The following CNEP1R1 variants were observed in gnomAD, a reference collection of about 807,000 sequenced individuals.
CNEP1R1 encodes the protein nuclear envelope phosphatase-regulatory subunit 1.
A neutral mutation model predicts 22.7 loss-of-function variants in CNEP1R1; 10 were observed. That is an observed-to-expected ratio of 0.44 (90% CI 0.27 to 0.75). The LOEUF (loss-of-function observed/expected upper bound fraction) is 0.75, where lower values mean the gene tolerates loss of function less well. Ranked by LOEUF, CNEP1R1 falls within the 30% of genes least tolerant of loss-of-function variation. CNEP1R1 has a pLI of 0.17. For missense variants in CNEP1R1, 73 were observed against 151.5 expected (o/e 0.48, Z 2.72); for synonymous variants, 53 against 50.1 (o/e 1.06, Z -0.25).
chr16:50,032,471 G>A (rs928299317), intron 3 of CNEP1R1, among the ~76,000 whole-genome samples: 1 of 152,078 alleles, frequency 6.6e-6, no homozygotes, highest in Non-Finnish European at 1.5e-5. Flanking sequence ...TTCCCTACTT[G>A]AATGTCCTGT....
Position 50,025,225 on chromosome 16 carries a change from A to G in CNEP1R1, c.-91A>G. ...CGGGGAGGGGCAGCGGGGAGCGGTTAGAGGTGGGAGTTGGCGCTGCGGGCC... is the reference window on the plus strand; with the variant it reads ...CGGGGAGGGGCAGCGGGGAGCGGTTGGAGGTGGGAGTTGGCGCTGCGGGCC... On this transcript the variant is annotated 5_prime_UTR_variant, in exon 1 of 6. Coordinates refer to ENST00000427478, the MANE Select transcript of CNEP1R1 (RefSeq NM_001281789.2). 1 of 1,240,512 alleles carries G rather than the reference A, an allele frequency of 8.1e-7. No individual in the cohort carries two copies. Among genetic ancestry groups the G allele is most frequent in the Non-Finnish European group, 1.1e-6 (1 of 947,142 alleles). The allele number at this position is 1,240,512 out of a possible 1,614,324, so 76.8% of individuals were successfully genotyped here.
chr16:50,033,767 G>A (rs2036251375), intron 4 of CNEP1R1, among the ~76,000 whole-genome samples: 1 of 151,434 alleles, frequency 6.6e-6, no homozygotes, highest in African/African-American at 2.4e-5. Context: ...GGGAGGCTGA[G>A]GTGGGAGAAT....
intron 2 of CNEP1R1, among the ~76,000 whole-genome samples, chr16:50,027,252 G>A (rs764362377): frequency 1.5e-4 from 23 of 152,144 alleles, no homozygotes; most frequent in Non-Finnish European, 2.8e-4. Context: ...GCTCACGTCT[G>A]TAATCCCAAC....
intron 3 of CNEP1R1, among the ~76,000 whole-genome samples, chr16:50,033,155 G>T (rs1384854295): frequency 6.6e-6 from 1 of 152,126 alleles, no homozygotes; most frequent in Non-Finnish European, 1.5e-5. Context: ...ATTTGTAATA[G>T]TTCAAGTATT....
At position 50,027,679 on chromosome 16, in the gene CNEP1R1, T is replaced by TA. The variant is rs80075296; in HGVS notation, c.97+1226dup. 4.3e-3 allele frequency among the ~76,000 whole-genome samples: 609 copies of TA among 142,328 alleles called. 4 individuals carry two copies. Among genetic ancestry groups the TA allele is most frequent in the African/African-American group, 0.011 (443 of 38,842 alleles). The allele number at this position is 142,328 out of a possible 152,430, so 93.4% of individuals were successfully genotyped here. A position where few individuals can be genotyped will look rare whatever the true frequency, so the allele number is the denominator to read the frequency against. ...AGGGAACAGAGGGAGACCCTGTGTT[T>TA]AAAAAAAAAAAAAAGTAAAGTCATG... On this transcript the variant is annotated intron_variant, in intron 2 of 5. Transcript: ENST00000427478.
chr16:50,031,082 G>A (rs1286870424), intron 3 of CNEP1R1, among the ~76,000 whole-genome samples: 1 of 152,052 alleles, frequency 6.6e-6, no homozygotes, highest in Non-Finnish European at 1.5e-5. Context: ...CTTTCCCCCA[G>A]TGCAGTTTTA....
intron 2 of CNEP1R1, among the ~76,000 whole-genome samples, chr16:50,029,389 C>G (rs970530072): frequency 6.6e-6 from 1 of 152,146 alleles, no homozygotes; most frequent in African/African-American, 2.4e-5. Context: ...TTTGAGTTTA[C>G]AAGATCTGCA....
chr16:50,028,995 A>G (rs1167105760), intron 2 of CNEP1R1, among the ~76,000 whole-genome samples: 1 of 152,194 alleles, frequency 6.6e-6, no homozygotes, highest in Non-Finnish European at 1.5e-5. Flanking sequence ...CCACATTTGA[A>G]AAATGTATGC....
intron 3 of CNEP1R1, 141 bp downstream of exon 3, chr16:50,029,939 A>T (rs1597117647): frequency 1.9e-6 from 1 of 522,866 alleles, no homozygotes. Context: ...GCCTTTTATT[A>T]ATTTGCTCAA....
intron 5 of CNEP1R1, among the ~76,000 whole-genome samples, chr16:50,034,921 T>G (rs1321251957): frequency 1.3e-5 from 2 of 152,188 alleles, no homozygotes; most frequent in Non-Finnish European, 2.9e-5. Flanking sequence ...AAAACTATCA[T>G]GTACCAGTGT....
Position 50,035,717 on chromosome 16 carries a change from A to G in CNEP1R1, c.*259A>G, listed in dbSNP as rs1437098963. The stretch of plus-strand genomic sequence containing the variant: ...CTGCAAATATTTTTGCAGATGAAGT[A>G]TGTATGTATGTTACTAAGTTAAACT... On this transcript the variant is annotated 3_prime_UTR_variant, in exon 6 of 6. Coordinates refer to ENST00000427478, the MANE Select transcript of CNEP1R1 (RefSeq NM_001281789.2). 1.3e-5 allele frequency: 5 copies of G among 391,322 alleles called. No individual in the cohort carries two copies. The highest frequency in any genetic ancestry group is 1.8e-5 in the Non-Finnish European group (4 of 218,504). 24.2% of individuals were successfully genotyped at this position (391,322 alleles called of 1,614,324 possible). A position where few individuals can be genotyped will look rare whatever the true frequency, so the allele number is the denominator to read the frequency against.
rs1482964883 is a variant in CNEP1R1, at chr16:50,035,425, A to G, written c.345A>G (p.Lys115=). ...TCTTTTCATTTTTGCAGACAGGAAA[A>G]CTAATTTTGAAACCTAGGCCTCATG... ...EYNMSCDDTG[K]LILKPRPHVQ Residue 115 remains lysine, a synonymous_variant, in exon 6 of 6, where the codon AAA becomes AAG. Coordinates refer to ENST00000427478, the MANE Select transcript of CNEP1R1 (RefSeq NM_001281789.2). The G allele has an allele frequency of 7.0e-6, 11 of 1,573,670 alleles. No individual in the cohort carries two copies. Among genetic ancestry groups the G allele is most frequent in the Middle Eastern group, 1.7e-4 (1 of 6,024 alleles).
At position 50,035,467 on chromosome 16, in the gene CNEP1R1, A is replaced by G. The variant is rs950265235; in HGVS notation, c.*9A>G. ...GGCCTCATGTTCAATGACAATCTTCACTCATTGTTATGGGACTTAAAATAG... is the reference window on the plus strand; with the variant it reads ...GGCCTCATGTTCAATGACAATCTTCGCTCATTGTTATGGGACTTAAAATAG... On this transcript the variant is annotated 3_prime_UTR_variant, in exon 6 of 6. Transcript: ENST00000427478. 24 of 1,572,156 alleles carry G rather than the reference A, an allele frequency of 1.5e-5. No individual in the cohort carries two copies. The African/African-American group carries it at 2.8e-4, about 19-fold the overall frequency.
At chr16:50,032,397 G>A (rs1387647121) in intron 3 of CNEP1R1, among the ~76,000 whole-genome samples, 1 of 152,196 alleles carries the variant, frequency 6.6e-6, no homozygotes, top group African/African-American at 2.4e-5. Context: ...GATATGTCCA[G>A]ATCTGAAATC....
Position 50,036,692 on chromosome 16 carries a change from A to T in CNEP1R1, c.*1234A>T, listed in dbSNP as rs1311826771. ...AGAGAGTGTTAATGACATACTGTGT[A>T]TGCATAATAGCCGCATGTACTATAA... On this transcript the variant is annotated 3_prime_UTR_variant, in exon 6 of 6. Transcript: ENST00000427478. 1 of 152,654 alleles carries T rather than the reference A, an allele frequency of 6.6e-6. No individual in the cohort carries two copies. Among genetic ancestry groups the T allele is most frequent in the African/African-American group, 2.4e-5 (1 of 41,470 alleles). The allele number at this position is 152,654 out of a possible 1,614,324, so 9.5% of individuals were successfully genotyped here. A position where few individuals can be genotyped will look rare whatever the true frequency, so the allele number is the denominator to read the frequency against.
Position 50,025,235 on chromosome 16 carries a change from G to A in CNEP1R1, c.-81G>A. The A allele has an allele frequency of 1.5e-6, 2 of 1,337,266 alleles. No individual in the cohort carries two copies. Among genetic ancestry groups the A allele is most frequent in the Non-Finnish European group, 1.9e-6 (2 of 1,032,698 alleles). The allele number at this position is 1,337,266 out of a possible 1,614,324, so 82.8% of individuals were successfully genotyped here. A position where few individuals can be genotyped will look rare whatever the true frequency, so the allele number is the denominator to read the frequency against. On this transcript the variant is annotated 5_prime_UTR_variant, in exon 1 of 6. Coordinates refer to ENST00000427478, the MANE Select transcript of CNEP1R1 (RefSeq NM_001281789.2). ...CAGCGGGGAGCGGTTAGAGGTGGGAGTTGGCGCTGCGGGCCGGGCGGGGGC... is the reference window on the plus strand; with the variant it reads ...CAGCGGGGAGCGGTTAGAGGTGGGAATTGGCGCTGCGGGCCGGGCGGGGGC...
chr16:50,027,862 T>A (rs1044399378), intron 2 of CNEP1R1, among the ~76,000 whole-genome samples: 4 of 152,216 alleles, frequency 2.6e-5, no homozygotes, highest in African/African-American at 9.6e-5. Flanking sequence ...GAACAGTGCT[T>A]ACTTGCCCAT....
intron 3 of CNEP1R1, among the ~76,000 whole-genome samples, chr16:50,032,111 G>A (rs1274038806): frequency 6.6e-6 from 1 of 152,178 alleles, no homozygotes; most frequent in Non-Finnish European, 1.5e-5. Context: ...GTACCATGCT[G>A]AGCCATCTAC....
intron 3 of CNEP1R1, among the ~76,000 whole-genome samples, chr16:50,031,657 C>T (rs2036231960): frequency 6.6e-6 from 1 of 152,136 alleles, no homozygotes; most frequent in South Asian, 2.1e-4. Context: ...TAACTATTCG[C>T]CTAAGGGTTG....
Sources: gnomAD v4.1 joint callset for allele counts (sites outside exome capture counted in the v4.1 genomes callset) on GRCh38, gnomAD v4.1.1 for gene constraint, MANE v1.5 for transcripts, NCBI Gene and HGNC (gene_info 2026-07-23, HGNC 2026-07-21) for gene names.